Variants in TFPI observed in about 807,000 individuals in gnomAD.
TFPI encodes the protein tissue factor pathway inhibitor.
TFPI carries 15 observed loss-of-function variants against 34.6 expected under a neutral mutation model. The observed-to-expected ratio is 0.43, with a 90% CI of 0.29 to 0.67. The LOEUF (loss-of-function observed/expected upper bound fraction) is 0.67, where lower values mean the gene tolerates loss of function less well. TFPI is among the 30% of genes least tolerant of loss of function. TFPI has a pLI of 0.15. For synonymous variants in TFPI, 105 were observed against 120.1 expected (o/e 0.87, Z 0.82); for missense variants, 301 against 364.0 (o/e 0.83, Z 1.41).
chr2:187,465,898 A>G lies in TFPI; in HGVS notation c.*1038T>C, dbSNP rs532575155. 5.9e-5 allele frequency: 9 copies of G among 152,190 alleles called. No individual in the cohort carries two copies. Among genetic ancestry groups the G allele is most frequent in the Non-Finnish European group, 1.3e-4 (9 of 68,042 alleles). The allele number at this position is 152,190 out of a possible 1,614,324, so 9.4% of individuals were successfully genotyped here. On this transcript the variant is annotated 3_prime_UTR_variant, in exon 8 of 8. Coordinates refer to ENST00000233156, the MANE Select transcript of TFPI (RefSeq NM_006287.6). ...GATGCCAGACTGCACATGGCTCAGC[A>G]ATAAATGAAAGATACAGGTCTGGAT...
intron 6 of TFPI, among the ~76,000 whole-genome samples, chr2:187,468,146 A>G (rs1476349845): frequency 1.3e-5 from 2 of 152,082 alleles, no homozygotes; most frequent in African/African-American, 4.8e-5. Context: ...CCAATGAATT[A>G]AAAAATCTCA....
Position 187,503,663 on chromosome 2 carries a change from G to C in TFPI, c.106C>G (p.His36Asp), listed in dbSNP as rs777247902. The change falls in exon 2 of 8, where the codon CAC (histidine) becomes GAC (aspartate). Residue 36 changes from histidine (H) to aspartate (D), a missense_variant. Transcript: ENST00000233156. Reference protein sequence around the residue: ...LNADSEEDEEHTIITDTELPP... With the variant: ...LNADSEEDEEDTIITDTELPP... ...AATATTTTACCTGTGATAATTGTGT[G>C]TTCTTCATCTTCCTCAGAATCAGCA... The C allele has an allele frequency of 1.7e-5, 28 of 1,612,564 alleles. No individual in the cohort carries two copies. The highest frequency in any genetic ancestry group is 2.3e-5 in the Non-Finnish European group (27 of 1,179,132).
At chr2:187,487,589 G>C (rs115268485) in intron 4 of TFPI, among the ~76,000 whole-genome samples, 45 of 151,518 alleles carry the variant, frequency 3.0e-4, no homozygotes, top group African/African-American at 1.1e-3. Flanking sequence ...TCATTGAAAT[G>C]TAAATGCCAT....
chr2:187,513,381 TG>T (rs1394112295), intron 1 of TFPI, among the ~76,000 whole-genome samples: 2 of 152,188 alleles, frequency 1.3e-5, no homozygotes, highest in Non-Finnish European at 1.5e-5. Context: ...CGAAGTTTTA[TG>T]AAAACTAAGT....
intron 4 of TFPI, among the ~76,000 whole-genome samples, chr2:187,487,841 A>T (rs1389863527): frequency 6.6e-6 from 1 of 151,420 alleles, no homozygotes; most frequent in East Asian, 1.9e-4. Flanking sequence ...TCAGAGACAT[A>T]CATCCATTCA....
At chr2:187,470,868 T>A (rs1238382561) in intron 6 of TFPI, among the ~76,000 whole-genome samples, 5 of 152,178 alleles carry the variant, frequency 3.3e-5, no homozygotes, top group Admixed American at 3.3e-4. Flanking sequence ...GGTATGCAGA[T>A]GCACCTATAA....
chr2:187,504,650 A>T (rs1232816157), intron 1 of TFPI, among the ~76,000 whole-genome samples: 1 of 152,062 alleles, frequency 6.6e-6, no homozygotes, highest in Non-Finnish European at 1.5e-5. Flanking sequence ...AGGTGGAAGG[A>T]AAAGTGTAAT....
At chr2:187,486,901 A>G (rs1693308020) in intron 4 of TFPI, among the ~76,000 whole-genome samples, 1 of 151,558 alleles carries the variant, frequency 6.6e-6, no homozygotes. Context: ...TCTCTTTATA[A>G]TGGTCCAATG....
rs1216299228 is a variant in TFPI, at chr2:187,476,789, C to A, written c.628+7335G>T. 2.0e-5 allele frequency among the ~76,000 whole-genome samples: 3 copies of A among 152,126 alleles called. No individual in the cohort carries two copies. The East Asian group carries it at 5.8e-4, about 29-fold the overall frequency. Reference sequence around the variant, plus strand: ...CATTACTAAGCTGCCCTACACCAGTCACTATTAAATTCATATTACAATAAG... The same window carrying A: ...CATTACTAAGCTGCCCTACACCAGTAACTATTAAATTCATATTACAATAAG... On this transcript the variant is annotated intron_variant, in intron 6 of 7. Coordinates refer to ENST00000233156, the MANE Select transcript of TFPI (RefSeq NM_006287.6).
intron 1 of TFPI, among the ~76,000 whole-genome samples, chr2:187,507,062 TCCCACC>T (rs928862575): frequency 2.0e-5 from 3 of 151,332 alleles, no homozygotes; most frequent in Admixed American, 1.3e-4. Context: ...TCCCCTAGCC[TCCCACC>T]CCCTGACAGA....
chr2:187,549,579 T>C (rs1318639353), intron 1 of TFPI, among the ~76,000 whole-genome samples: 1 of 152,014 alleles, frequency 6.6e-6, no homozygotes, highest in Non-Finnish European at 1.5e-5. Flanking sequence ...GAAAAAATAA[T>C]GAACCAATAA....
chr2:187,468,085 T>A (rs1293476990), intron 6 of TFPI, among the ~76,000 whole-genome samples, 153 bp from the exon 7 acceptor site: 3 of 152,120 alleles, frequency 2.0e-5, no homozygotes, highest in Non-Finnish European at 4.4e-5. Context: ...GCATTTCAAT[T>A]CTAGGAAAAT....
At chr2:187,492,206 G>A (rs1685167521) in intron 3 of TFPI, among the ~76,000 whole-genome samples, 1 of 151,924 alleles carries the variant, frequency 6.6e-6, no homozygotes, top group African/African-American at 2.4e-5. Context: ...AGTTACTTGT[G>A]GATCAACTTC....
chr2:187,516,629 C>T (rs192445394), intron 1 of TFPI: 1 of 152,162 alleles, frequency 6.6e-6, no homozygotes, highest in African/African-American at 2.4e-5. Context: ...GGGAGGAGAC[C>T]ACCTCTCATA....
At chr2:187,529,044 A>G (rs1409144581) in intron 1 of TFPI, among the ~76,000 whole-genome samples, 4 of 152,184 alleles carry the variant, frequency 2.6e-5, no homozygotes, top group Non-Finnish European at 4.4e-5. Flanking sequence ...GGAACACTGA[A>G]CATACAATAT....
intron 1 of TFPI, among the ~76,000 whole-genome samples, chr2:187,525,331 T>A (rs1687620538): frequency 1.3e-5 from 2 of 152,128 alleles, no homozygotes; most frequent in African/African-American, 2.4e-5. Context: ...TTCCCAATAA[T>A]TACTTTGTCT....
At chr2:187,540,336 T>C (rs892847202) in intron 1 of TFPI, among the ~76,000 whole-genome samples, 2 of 152,190 alleles carry the variant, frequency 1.3e-5, no homozygotes, top group Non-Finnish European at 2.9e-5. Flanking sequence ...CATATCATAC[T>C]ATGATCAAAA....
intron 4 of TFPI, among the ~76,000 whole-genome samples, chr2:187,485,550 G>T (rs1232494942): frequency 6.6e-6 from 1 of 151,672 alleles, no homozygotes; most frequent in Non-Finnish European, 1.5e-5. Flanking sequence ...ATCCTTTACT[G>T]CTGTGTCATT....
At position 187,468,418 on chromosome 2, in the gene TFPI, G is replaced by GACTA. The variant is rs927327969; in HGVS notation, c.629-490_629-487dup. On this transcript the variant is annotated intron_variant, in intron 6 of 7. Transcript: ENST00000233156. ...AAGCTGAGGAAGAGTTACTTCTCTT[G>GACTA]ACTAAGCACATGCTGACTGATGTAA... 3.7e-4 allele frequency among the ~76,000 whole-genome samples: 56 copies of GACTA among 152,188 alleles called. 1 individual carries two copies. The highest frequency in any genetic ancestry group is 1.3e-3 in the African/African-American group (55 of 41,550).
Sources: gnomAD v4.1 joint callset for allele counts (sites outside exome capture counted in the v4.1 genomes callset) on GRCh38, gnomAD v4.1.1 for gene constraint, MANE v1.5 for transcripts, NCBI Gene and HGNC (gene_info 2026-07-23, HGNC 2026-07-21) for gene names.